Variants in STX8 observed in about 807,000 individuals in gnomAD.
The protein encoded by STX8 is syntaxin-8.
A neutral mutation model predicts 37.5 loss-of-function variants in STX8; 23 were observed. The ratio of observed to expected loss-of-function variants is 0.61; its 90% CI spans 0.44 to 0.87. The LOEUF (loss-of-function observed/expected upper bound fraction) is 0.87. Among genes scored for constraint, STX8 ranks in the 40% least tolerant of loss-of-function variants. The pLI is 0.00. For synonymous variants in STX8, 115 were observed against 99.1 expected (o/e 1.16, Z -0.95); for missense variants, 313 against 284.7 (o/e 1.10, Z -0.71).
At chr17:9,483,500 C>A (rs946354395) in intron 6 of STX8, among the ~76,000 whole-genome samples, 2 of 152,084 alleles carry the variant, frequency 1.3e-5, no homozygotes, top group East Asian at 3.9e-4. Flanking sequence ...TTCCAGGGAT[C>A]GGGACTAGGA....
chr17:9,274,766 T>TC (rs1184399744), intron 7 of STX8, among the ~76,000 whole-genome samples: 1 of 137,580 alleles, frequency 7.3e-6, no homozygotes, highest in Non-Finnish European at 1.6e-5. Flanking sequence ...TTTTTTTTTT[T>TC]TTTGAGACGG....
intron 6 of STX8, among the ~76,000 whole-genome samples, chr17:9,398,419 T>G: frequency 6.6e-6 from 1 of 152,168 alleles, no homozygotes; most frequent in East Asian, 1.9e-4. Flanking sequence ...CCCACAAAAC[T>G]GTCAACATCA....
At chr17:9,299,971 G>A (rs1254331465) in intron 7 of STX8, among the ~76,000 whole-genome samples, 1 of 152,144 alleles carries the variant, frequency 6.6e-6, no homozygotes, top group African/African-American at 2.4e-5. Context: ...CCTAGGCAGG[G>A]CATGAACATC....
At chr17:9,414,453 T>C (rs769543911) in intron 6 of STX8, among the ~76,000 whole-genome samples, 6 of 152,160 alleles carry the variant, frequency 3.9e-5, no homozygotes, top group Non-Finnish European at 8.8e-5. Context: ...CCAAATGTTA[T>C]AAAAGTCTGA....
At chr17:9,508,059 T>G (rs1904902218) in intron 4 of STX8, among the ~76,000 whole-genome samples, 1 of 151,948 alleles carries the variant, frequency 6.6e-6, no homozygotes, top group Non-Finnish European at 1.5e-5. Flanking sequence ...ATACAATAAT[T>G]CCTGTGTAAT....
At chr17:9,272,555 A>G (rs916622146) in intron 7 of STX8, among the ~76,000 whole-genome samples, 3 of 152,230 alleles carry the variant, frequency 2.0e-5, no homozygotes, top group African/African-American at 7.2e-5. Flanking sequence ...ACTCACACAC[A>G]GCTAGCCACA....
chr17:9,419,770 T>G (rs1204659853), intron 6 of STX8, among the ~76,000 whole-genome samples: 2 of 152,122 alleles, frequency 1.3e-5, no homozygotes, highest in African/African-American at 4.8e-5. Context: ...GACCTGAATT[T>G]TACTTAAAAC....
At chr17:9,338,127 C>T (rs1359079310) in intron 7 of STX8, among the ~76,000 whole-genome samples, 1 of 144,604 alleles carries the variant, frequency 6.9e-6, no homozygotes, top group East Asian at 2.1e-4. Context: ...GATCTTGGCT[C>T]ATTGCAACCT....
At chr17:9,283,843 G>C (rs1020955009) in intron 7 of STX8, among the ~76,000 whole-genome samples, 9 of 152,304 alleles carry the variant, frequency 5.9e-5, no homozygotes, top group Admixed American at 3.9e-4. Context: ...AGAAAAGTCT[G>C]ATGGAAATTG....
intron 7 of STX8, among the ~76,000 whole-genome samples, chr17:9,279,519 C>T (rs1335369128): frequency 2.0e-5 from 3 of 152,158 alleles, no homozygotes; most frequent in East Asian, 1.9e-4. Context: ...TTGACTAACT[C>T]GAACATATAG....
At chr17:9,387,969 C>T (rs752243644) in intron 6 of STX8, among the ~76,000 whole-genome samples, 1 of 152,080 alleles carries the variant, frequency 6.6e-6, no homozygotes, top group East Asian at 1.9e-4. Flanking sequence ...CAGTAGTCAA[C>T]ACTTGTAGGG....
At chr17:9,323,951 G>C (rs1053304419) in intron 7 of STX8, among the ~76,000 whole-genome samples, 1 of 152,136 alleles carries the variant, frequency 6.6e-6, no homozygotes, top group East Asian at 1.9e-4. Context: ...TGGGGGAATG[G>C]GACACAGGCG....
At chr17:9,362,753 C>T (rs980723012) in intron 7 of STX8, among the ~76,000 whole-genome samples, 7 of 149,830 alleles carry the variant, frequency 4.7e-5, no homozygotes, top group Admixed American at 2.7e-4. Flanking sequence ...ACTCAGGAGG[C>T]GGAGCTTGCA....
chr17:9,539,826 C>T (rs1047753704), intron 4 of STX8, among the ~76,000 whole-genome samples: 3 of 152,122 alleles, frequency 2.0e-5, no homozygotes, highest in African/African-American at 4.8e-5. Flanking sequence ...ACTACAGAAA[C>T]CAACTGGCAG....
intron 7 of STX8, among the ~76,000 whole-genome samples, chr17:9,377,527 A>G (rs569042893): frequency 6.6e-6 from 1 of 152,070 alleles, no homozygotes; most frequent in Non-Finnish European, 1.5e-5. Context: ...CTGGAGTGCA[A>G]TGGCACAATC....
intron 7 of STX8, among the ~76,000 whole-genome samples, chr17:9,340,023 C>T (rs939546464): frequency 6.6e-6 from 1 of 152,206 alleles, no homozygotes; most frequent in Non-Finnish European, 1.5e-5. Flanking sequence ...GCTGACGCAA[C>T]CGCGGGATCC....
At chr17:9,290,264 G>T (rs1038877115) in intron 7 of STX8, among the ~76,000 whole-genome samples, 12 of 152,064 alleles carry the variant, frequency 7.9e-5, no homozygotes, top group African/African-American at 2.9e-4. Flanking sequence ...TTTAAATTAT[G>T]CCATTATTTT....
intron 3 of STX8, among the ~76,000 whole-genome samples, chr17:9,549,502 C>T (rs568160459): frequency 2.0e-5 from 3 of 152,282 alleles, no homozygotes; most frequent in African/African-American, 7.2e-5. Flanking sequence ...CTCTTTCAAC[C>T]CTAGCTCATG....
chr17:9,397,157 G>A (rs1182034770), intron 6 of STX8, among the ~76,000 whole-genome samples: 1 of 152,242 alleles, frequency 6.6e-6, no homozygotes, highest in Non-Finnish European at 1.5e-5. Flanking sequence ...CAGCACTTTG[G>A]GAGGCCGAGG....
Sources: allele counts gnomAD v4.1 joint callset (sites outside exome capture counted in the v4.1 genomes callset), GRCh38; gene constraint gnomAD v4.1.1; transcripts MANE v1.5; gene names NCBI Gene and HGNC (gene_info 2026-07-23, HGNC 2026-07-21).